Variants in ACADL observed in about 807,000 individuals in gnomAD.
ACADL encodes the protein long-chain specific acyl-CoA dehydrogenase, mitochondrial.
Under a neutral mutation model 56.9 loss-of-function variants are expected in ACADL, and 60 were observed. That is an observed-to-expected ratio of 1.05 (90% CI 0.86 to 1.31). The LOEUF is 1.31. Ranked by LOEUF, ACADL falls within the 50% of genes most tolerant of loss-of-function variation. ACADL has a pLI of 0.00. For missense variants in ACADL, 484 were observed against 525.5 expected (o/e 0.92, Z 0.77); for synonymous variants, 158 against 179.7 (o/e 0.88, Z 0.97).
At chr2:210,204,372 TTTGA>T (rs1163422396) in intron 7 of ACADL, among the ~76,000 whole-genome samples, 1 of 152,218 alleles carries the variant, frequency 6.6e-6, no homozygotes, top group African/African-American at 2.4e-5. Context: ...CTTTATAAGC[TTTGA>T]TTGGATATTA....
At chr2:210,216,236 T>C in intron 4 of ACADL, 111 bp downstream of exon 4, 1 of 1,161,662 alleles carries the variant, frequency 8.6e-7, no homozygotes, top group Non-Finnish European at 1.3e-6. Flanking sequence ...TATCCCGTGT[T>C]CATCTTTGCC....
chr2:210,202,969 C>T (rs902411952), intron 8 of ACADL, among the ~76,000 whole-genome samples: 1 of 152,186 alleles, frequency 6.6e-6, no homozygotes, highest in Non-Finnish European at 1.5e-5. Context: ...CCCTAAGCAG[C>T]AATTGATCCC....
intron 5 of ACADL, among the ~76,000 whole-genome samples, chr2:210,207,129 T>C (rs1688899230): frequency 6.6e-6 from 1 of 152,210 alleles, no homozygotes; most frequent in Non-Finnish European, 1.5e-5. Context: ...TCCTTTCAAG[T>C]CTATTGTAAT....
intron 1 of ACADL, among the ~76,000 whole-genome samples, chr2:210,221,291 A>G (rs547940809): frequency 3.0e-4 from 45 of 152,330 alleles, no homozygotes; most frequent in African/African-American, 1.1e-3. Context: ...TAATCGCCAC[A>G]TTACAAAGCC....
At chr2:210,190,554 G>A (rs776351025) in intron 10 of ACADL, among the ~76,000 whole-genome samples, 2 of 152,100 alleles carry the variant, frequency 1.3e-5, no homozygotes, top group Admixed American at 6.5e-5. Flanking sequence ...TAACCACACT[G>A]CAGTGAAGTT....
intron 1 of ACADL, among the ~76,000 whole-genome samples, chr2:210,224,029 C>T (rs931816534): frequency 2.0e-5 from 3 of 151,836 alleles, no homozygotes; most frequent in African/African-American, 7.3e-5. Flanking sequence ...AGTTTGAGCC[C>T]AGCCTGGTCA....
Position 210,205,734 on chromosome 2 carries a change from T to C in ACADL, c.666A>G (p.Glu222=). 6.2e-7 allele frequency: 1 copy of C among 1,614,036 alleles called. No homozygotes were observed. The highest frequency in any genetic ancestry group is 1.1e-5 in the South Asian group (1 of 91,078). The change falls in exon 6 of 11, where the codon GAA becomes GAG. Residue 222 remains glutamate, a synonymous_variant. Transcript: ENST00000233710. ...VVIVVAVTNH[E]APSPAHGISL... ...TAATACCATGGGCAGGGGAGGGAGC[T>C]TCATGATTTGTGACCGCAACTACAA...
intron 5 of ACADL, among the ~76,000 whole-genome samples, chr2:210,206,342 G>T (rs980382117): frequency 3.3e-5 from 5 of 151,984 alleles, no homozygotes; most frequent in African/African-American, 9.7e-5. Context: ...GAGGCAGGAG[G>T]ATCGCTTGAG....
intron 1 of ACADL, among the ~76,000 whole-genome samples, chr2:210,221,961 C>G (rs540415766): frequency 1.3e-5 from 2 of 152,258 alleles, no homozygotes; most frequent in East Asian, 1.9e-4. Flanking sequence ...AACTCCTGAC[C>G]TCAAGTGATA....
chr2:210,211,983 A>G (rs1447214976), intron 4 of ACADL, among the ~76,000 whole-genome samples: 2 of 152,030 alleles, frequency 1.3e-5, no homozygotes, highest in Admixed American at 6.6e-5. Context: ...GGCGTATGCC[A>G]CCATGCCTGG....
chr2:210,214,509 A>AAGAAAGAAAGAAAAAG (rs1553690970), intron 4 of ACADL, among the ~76,000 whole-genome samples: 82 of 18,914 alleles, frequency 4.3e-3, no homozygotes, highest in African/African-American at 6.1e-3. Flanking sequence ...GAAAGAAAGA[A>AAGAAAGAAAGAAAAAG]AAAGAAAGAA....
At position 210,218,099 on chromosome 2, in the gene ACADL, C is replaced by T; in HGVS notation, c.237G>A (p.Trp79Ter). The T allele has an allele frequency of 6.2e-7, 1 of 1,613,290 alleles. No individual in the cohort carries two copies. The highest frequency in any genetic ancestry group is 8.5e-7 in the Non-Finnish European group (1 of 1,179,632). Residue 79 changes from tryptophan (W) to a stop codon, truncating the protein, a stop_gained, in exon 3 of 11, where the codon TGG becomes TGA. Transcript: ENST00000233710. LOFTEE classifies it high-confidence loss of function. ...CCCTACTTACTTCTCCAGCTTTCTC[C>T]CATCTGCAAATAACAAATATTTTAA... ...QEEVIPHHSE[W>*]EKAGEVSREV... is the part of the protein sequence containing the mutation.
At chr2:210,201,156 C>T (rs937198121) in intron 8 of ACADL, among the ~76,000 whole-genome samples, 1 of 152,154 alleles carries the variant, frequency 6.6e-6, no homozygotes, top group Non-Finnish European at 1.5e-5. Context: ...AGGAGCCTAG[C>T]CTCTCCTGTT....
chr2:210,225,378 TC>T lies in ACADL; in HGVS notation c.-116del. On this transcript the variant is annotated 5_prime_UTR_variant, in exon 1 of 11. Transcript: ENST00000233710. ...GCTGAGGCGTCCACCTGTGGTGTCC[TC>T]CCAAAAAAGCGCTCGCGCGCGCCCT... 1 of 1,255,512 alleles carries T rather than the reference TC, an allele frequency of 8.0e-7. No individual in the cohort carries two copies. Among genetic ancestry groups the T allele is most frequent in the Non-Finnish European group, 1.1e-6 (1 of 925,954 alleles). The allele number at this position is 1,255,512 out of a possible 1,614,324, so 77.8% of individuals were successfully genotyped here. A position where few individuals can be genotyped will look rare whatever the true frequency, so the allele number is the denominator to read the frequency against.
At chr2:210,201,888 C>A (rs1184848616) in intron 8 of ACADL, among the ~76,000 whole-genome samples, 1 of 152,122 alleles carries the variant, frequency 6.6e-6, no homozygotes, top group Non-Finnish European at 1.5e-5. Context: ...CCTAGGTAAA[C>A]ACAATCATCT....
At chr2:210,216,898 T>A (rs13403202) in intron 3 of ACADL, among the ~76,000 whole-genome samples, 101 of 140,908 alleles carry the variant, frequency 7.2e-4, no homozygotes, top group African/African-American at 2.3e-3. Context: ...AAATAAAAAA[T>A]AAAAAAGCAA....
At chr2:210,220,050 A>AT (rs1400419696) in intron 2 of ACADL, among the ~76,000 whole-genome samples, 2 of 152,230 alleles carry the variant, frequency 1.3e-5, no homozygotes, top group East Asian at 3.9e-4. Context: ...GGTGCCGAGA[A>AT]TTTTTTTGTT....
Position 210,210,236 on chromosome 2 carries a change from G to C in ACADL, c.563C>G (p.Ala188Gly). Residue 188 changes from alanine to glycine, a missense_variant, in exon 5 of 11, where the codon GCT (alanine) becomes GGT (glycine). Ala to Gly is a moderately conservative substitution (Grantham distance 60, BLOSUM62 0). Coordinates refer to ENST00000233710, the MANE Select transcript of ACADL (RefSeq NM_001608.4). Reference sequence around the variant, plus strand: ...AATCCAGTCACTTCCATCCTTTTTAGCATTTGTTTTTATTCCCTGTAAGTC... The same window carrying C: ...AATCCAGTCACTTCCATCCTTTTTACCATTTGTTTTTATTCCCTGTAAGTC... ...GSDLQGIKTN[A>G]KKDGSDWILN... The C allele has an allele frequency of 6.2e-7, 1 of 1,612,294 alleles. No homozygotes were observed. Among genetic ancestry groups the C allele is most frequent in the Admixed American group, 1.7e-5 (1 of 59,976 alleles).
At chr2:210,211,612 C>T (rs537664898) in intron 4 of ACADL, among the ~76,000 whole-genome samples, 1 of 152,200 alleles carries the variant, frequency 6.6e-6, no homozygotes, top group African/African-American at 2.4e-5. Flanking sequence ...TCTCTTCCTC[C>T]TTCTCTGGCC....
Sources: gnomAD v4.1 joint callset for allele counts (sites outside exome capture counted in the v4.1 genomes callset) on GRCh38, gnomAD v4.1.1 for gene constraint, MANE v1.5 for transcripts, NCBI Gene and HGNC (gene_info 2026-07-23, HGNC 2026-07-21) for gene names.